Variants in ITGAE observed in about 807,000 individuals in gnomAD.
ITGAE encodes integrin alpha-E.
In ITGAE, 99 loss-of-function variants were observed where a neutral mutation model predicts 136.5. The ratio of observed to expected loss-of-function variants is 0.73; its 90% confidence interval spans 0.62 to 0.86. The LOEUF (loss-of-function observed/expected upper bound fraction) is 0.86. Ranked by LOEUF, ITGAE falls within the 40% of genes least tolerant of loss-of-function variation. The probability of loss-of-function intolerance (pLI) is 0.00; values close to 1 mark genes in which losing one functional copy is unlikely to be tolerated. For missense variants in ITGAE, 1,447 were observed against 1,515.3 expected (o/e 0.95, Z 0.75); for synonymous variants, 613 against 591.8 (o/e 1.04, Z -0.52).
In ITGAE at chr17:3,763,924, T is replaced by C. The variant is rs1438722586; in HGVS notation, c.192A>G (p.Pro64=). 7 of 1,613,612 alleles carry C rather than the reference T, an allele frequency of 4.3e-6. No individual in the cohort carries two copies. The highest frequency in any genetic ancestry group is 1.3e-5 in the African/African-American group (1 of 74,898). ...CAAGGGAACATCGATGGAGGGGCCC[T>C]GGTGTCCTCTTGGTTCTGGGGCTGG... The part of the protein sequence containing the change: ...LVTSPRTKRT[P]GPLHRCSLVQ... Residue 64 remains proline (P), a synonymous_variant, in exon 3 of 31, where the codon CCA becomes CCG. Coordinates refer to ENST00000263087, the MANE Select transcript of ITGAE (RefSeq NM_002208.5).
chr17:3,720,360 A>G lies in ITGAE; in HGVS notation c.3280T>C (p.Ser1094Pro), dbSNP rs779665218. The change falls in exon 29 of 31, where the codon TCT (serine) becomes CCT (proline). Residue 1094 changes from serine (S) to proline (P), a missense_variant. Ser to Pro is a moderately conservative substitution (Grantham distance 74). Coordinates refer to ENST00000263087, the MANE Select transcript of ITGAE (RefSeq NM_002208.5). ...VTELQILGEI[S>P]FNKSLYEGLN... ...CCCTCATATAGAGATTTGTTGAAAG[A>G]TATTTCACCAAGGATCTGCAGTTCA... 9.5e-6 allele frequency: 15 copies of G among 1,586,786 alleles called. No individual in the cohort carries two copies. The East Asian group carries it at 2.5e-4, about 26-fold the overall frequency.
chr17:3,733,610 G>A (rs940530707), intron 21 of ITGAE, among the ~76,000 whole-genome samples: 3 of 150,790 alleles, frequency 2.0e-5, no homozygotes, highest in Non-Finnish European at 3.0e-5. Context: ...TAGTAGAGAC[G>A]GGGTTTTGCC....
chr17:3,747,882 C>A, intron 17 of ITGAE, 40 bp downstream of exon 17: 1 of 1,359,378 alleles, frequency 7.4e-7, no homozygotes, highest in Non-Finnish European at 9.8e-7. Context: ...AAAGGAAAGA[C>A]CATCACACCA....
chr17:3,725,256 A>G, intron 26 of ITGAE: 1 of 1,614,148 alleles, frequency 6.2e-7, no homozygotes, highest in Non-Finnish European at 8.5e-7. Flanking sequence ...CTCCTCCTCT[A>G]TGTATTTGCT....
At chr17:3,777,439 CGGTGG>C (rs532434760) in intron 2 of ITGAE, 96 bp downstream of exon 2, 4 of 1,422,638 alleles carry the variant, frequency 2.8e-6, no homozygotes, top group Admixed American at 2.2e-5. Context: ...CCTCTCCTGA[CGGTGG>C]GGTGGGGTGG....
chr17:3,770,660 T>C (rs2052399162), intron 2 of ITGAE, among the ~76,000 whole-genome samples: 2 of 152,160 alleles, frequency 1.3e-5, no homozygotes, highest in South Asian at 4.1e-4. Flanking sequence ...GGCCCCACTC[T>C]CTGCAGCAGG....
At chr17:3,719,234 T>TAAA (rs2050999265) in intron 29 of ITGAE, among the ~76,000 whole-genome samples, 6 of 34,824 alleles carry the variant, frequency 1.7e-4, no homozygotes, top group African/African-American at 7.3e-4. Flanking sequence ...AGATTCTTCC[T>TAAA]CAAAAAAAAA....
chr17:3,728,732 G>T (rs1484134070), intron 24 of ITGAE, among the ~76,000 whole-genome samples: 1 of 150,804 alleles, frequency 6.6e-6, no homozygotes, highest in Non-Finnish European at 1.5e-5. Flanking sequence ...GAGGGCACCA[G>T]ACCTTTACCA....
At chr17:3,774,152 C>A (rs1364033060) in intron 2 of ITGAE, among the ~76,000 whole-genome samples, 1 of 148,338 alleles carries the variant, frequency 6.7e-6, no homozygotes, top group Admixed American at 6.7e-5. Flanking sequence ...AGCCAGGAAC[C>A]CTGGCTCCTC....
intron 2 of ITGAE, among the ~76,000 whole-genome samples, chr17:3,773,312 G>GA (rs2052469946): frequency 6.7e-6 from 1 of 149,226 alleles, no homozygotes; most frequent in Admixed American, 6.7e-5. Flanking sequence ...CAACATTGGT[G>GA]AAACCCCGTC....
Position 3,739,934 on chromosome 17 carries a change from T to C in ITGAE, c.2449-56A>G. The C allele has an allele frequency of 5.7e-6, 8 of 1,400,640 alleles. No homozygotes were observed. In the South Asian group the frequency reaches 5.8e-5, roughly 10 times the overall value. 86.8% of individuals were successfully genotyped at this position (1,400,640 alleles called of 1,614,324 possible). On this transcript the variant is annotated intron_variant, in intron 19 of 30. Coordinates refer to ENST00000263087, the MANE Select transcript of ITGAE (RefSeq NM_002208.5). ...CAGGCTCCGCCTTCCCCAGCAGCCCTGCCTCCGGCTCTTCTCCTTATAGGA... is the reference window on the plus strand; with the variant it reads ...CAGGCTCCGCCTTCCCCAGCAGCCCCGCCTCCGGCTCTTCTCCTTATAGGA...
At chr17:3,757,629 C>A in intron 9 of ITGAE, 77 bp downstream of exon 9, 2 of 1,490,662 alleles carry the variant, frequency 1.3e-6, no homozygotes, top group African/African-American at 1.4e-5. Context: ...ACAGAAAAGC[C>A]CCCATCGACA....
chr17:3,755,614 C>CCTCG (rs966395835), intron 11 of ITGAE, among the ~76,000 whole-genome samples: 3 of 152,226 alleles, frequency 2.0e-5, no homozygotes, highest in Non-Finnish European at 4.4e-5. Context: ...TTGCAGTGAG[C>CCTCG]CGAGACTGCA....
chr17:3,724,676 C>G (rs750785196), intron 26 of ITGAE: 1 of 1,614,178 alleles, frequency 6.2e-7, no homozygotes, highest in Non-Finnish European at 8.5e-7. Context: ...TTCTCTTTGG[C>G]CTTATGAACT....
At chr17:3,742,061 G>T (rs1431345199) in intron 19 of ITGAE, among the ~76,000 whole-genome samples, 1 of 152,174 alleles carries the variant, frequency 6.6e-6, no homozygotes, top group Non-Finnish European at 1.5e-5. Flanking sequence ...TGGGCAACAA[G>T]GGCGAAACTC....
At chr17:3,771,802 GC>G (rs1009959334) in intron 2 of ITGAE, among the ~76,000 whole-genome samples, 1 of 152,168 alleles carries the variant, frequency 6.6e-6, no homozygotes, top group African/African-American at 2.4e-5. Context: ...CTCCCAAAGT[GC>G]TGGGATGACA....
At chr17:3,723,832 G>C (rs1597297807) in intron 26 of ITGAE, 88 bp from the exon 27 acceptor site, 10 of 1,547,020 alleles carry the variant, frequency 6.5e-6, no homozygotes, top group Non-Finnish European at 8.7e-6. Flanking sequence ...GGCGAGGTGC[G>C]CATGCGCAGG....
chr17:3,796,281 G>C (rs1263020252), intron 1 of ITGAE, among the ~76,000 whole-genome samples: 3 of 152,030 alleles, frequency 2.0e-5, no homozygotes, highest in African/African-American at 4.8e-5. Context: ...TGTTTCCTCA[G>C]ACTGGACTCG....
intron 1 of ITGAE, among the ~76,000 whole-genome samples, chr17:3,793,048 TTTTTC>T (rs1045732443): frequency 6.6e-5 from 10 of 151,914 alleles, no homozygotes; most frequent in African/African-American, 2.2e-4. Flanking sequence ...TTTGAGAATC[TTTTTC>T]TTTTTTCTTT....
Sources: allele counts gnomAD v4.1 joint callset (sites outside exome capture counted in the v4.1 genomes callset), GRCh38; gene constraint gnomAD v4.1.1; transcripts MANE v1.5; gene names NCBI Gene and HGNC (gene_info 2026-07-23, HGNC 2026-07-21).